BIRC6: variants seen among roughly 807,000 people sequenced by gnomAD.
BIRC6 encodes the protein baculoviral IAP repeat containing 6.
Under a neutral mutation model 503.3 loss-of-function variants are expected in BIRC6, and 98 were observed. That is an observed-to-expected ratio of 0.19 (90% CI 0.17 to 0.23). The LOEUF (loss-of-function observed/expected upper bound fraction) is 0.23, where lower values mean the gene tolerates loss of function less well. BIRC6 is among the 10% of genes least tolerant of loss of function. The probability of loss-of-function intolerance (pLI) is 1.00; values close to 1 mark genes in which losing one functional copy is unlikely to be tolerated. For synonymous variants in BIRC6, 2,240 were observed against 2,078.7 expected (o/e 1.08, Z -2.11); for missense variants, 5,360 against 5,806.0 (o/e 0.92, Z 2.50).
At chr2:32,555,822 A>G (rs1258401267) in intron 65 of BIRC6, among the ~76,000 whole-genome samples, 1 of 147,968 alleles carries the variant, frequency 6.8e-6, no homozygotes, top group Non-Finnish European at 1.5e-5. Context: ...AGTCCCAACT[A>G]CTCGGGAAGT....
intron 59 of BIRC6, among the ~76,000 whole-genome samples, chr2:32,526,059 C>G (rs1305763328): frequency 6.6e-6 from 1 of 152,166 alleles, no homozygotes; most frequent in African/African-American, 2.4e-5. Flanking sequence ...GTCTGTTGTT[C>G]AAGGTGATAA....
rs2050052939 is a variant in BIRC6 at position 32,478,811 on chromosome 2, T to G, written c.7245T>G (p.Ile2415Met). ...CCTTAACTTGCATGCTACAAGATAT[T>G]TTAGCAGGTGTGTTAGGATTTTTCT... ...QYSLTCMLQDILAGELLAPVA... is the reference protein window; with the variant it reads ...QYSLTCMLQDMLAGELLAPVA... The change falls in exon 36 of 74, where the codon ATT (isoleucine) becomes ATG (methionine). Residue 2415 changes from isoleucine (I) to methionine (M), a missense_variant. Transcript: ENST00000421745. 2 of 1,611,966 alleles carry G rather than the reference T, an allele frequency of 1.2e-6. No individual in the cohort carries two copies. Among genetic ancestry groups the G allele is most frequent in the African/African-American group, 2.7e-5 (2 of 74,828 alleles).
intron 51 of BIRC6, among the ~76,000 whole-genome samples, 163 bp downstream of exon 51, chr2:32,508,422 C>T (rs1027137945): frequency 6.6e-6 from 1 of 150,926 alleles, no homozygotes; most frequent in African/African-American, 2.4e-5. Flanking sequence ...GTAATAGAGA[C>T]AGTTTTGTGG....
At chr2:32,420,732 G>A (rs1159321009) in intron 10 of BIRC6, among the ~76,000 whole-genome samples, 1 of 151,960 alleles carries the variant, frequency 6.6e-6, no homozygotes, top group Non-Finnish European at 1.5e-5. Flanking sequence ...GGCTGGTCTT[G>A]AACTCCTGAC....
intron 66 of BIRC6, among the ~76,000 whole-genome samples, chr2:32,581,589 G>C (rs1444281936): frequency 6.6e-6 from 1 of 152,096 alleles, no homozygotes; most frequent in Admixed American, 6.6e-5. Context: ...ATAGCGGATG[G>C]ACCATTATCA....
chr2:32,559,649 A>G (rs963533532), intron 65 of BIRC6, among the ~76,000 whole-genome samples: 12 of 151,858 alleles, frequency 7.9e-5, no homozygotes, highest in African/African-American at 2.7e-4. Context: ...ATGTCTTAAA[A>G]GGAGAGCATA....
chr2:32,394,772 G>T (rs2039670882), intron 5 of BIRC6, among the ~76,000 whole-genome samples: 1 of 152,152 alleles, frequency 6.6e-6, no homozygotes, highest in Admixed American at 6.5e-5. Context: ...CAGGGCTATA[G>T]TCAGCTATGA....
chr2:32,601,847 CT>C (rs2062081421), intron 70 of BIRC6, among the ~76,000 whole-genome samples: 3 of 152,030 alleles, frequency 2.0e-5, no homozygotes, highest in African/African-American at 7.2e-5. Context: ...AGCCTGAATA[CT>C]CTTTTAGGGG....
chr2:32,460,251 TA>T (rs2047702646), intron 23 of BIRC6, among the ~76,000 whole-genome samples: 2 of 27,448 alleles, frequency 7.3e-5, no homozygotes, highest in African/African-American at 1.5e-4. Flanking sequence ...ATATGATATA[TA>T]TATATATATA....
intron 10 of BIRC6, among the ~76,000 whole-genome samples, chr2:32,427,197 C>G (rs2043602254): frequency 1.3e-5 from 2 of 152,004 alleles, no homozygotes; most frequent in Non-Finnish European, 2.9e-5. Context: ...AGGTGGAATT[C>G]TCTTCTTCAT....
chr2:32,593,923 G>C lies in BIRC6; in HGVS notation c.13364G>C (p.Arg4455Thr). 3 of 1,608,304 alleles carry C rather than the reference G, an allele frequency of 1.9e-6. No homozygotes were observed. The highest frequency in any genetic ancestry group is 2.5e-6 in the Non-Finnish European group (3 of 1,178,366). ...ATATTAAAAAAATTCAGATCTAAAAGGGAAAATGTTAAAACAGGAGTAAAA... is the reference window on the plus strand; with the variant it reads ...ATATTAAAAAAATTCAGATCTAAAACGGAAAATGTTAAAACAGGAGTAAAA... ...DTYTNRLRSK[R>T]ENVKTGVKPD... is the part of the protein sequence containing the mutation. Residue 4455 changes from arginine to threonine, a missense_variant, in exon 67 of 74, where the codon AGG becomes ACG. By Grantham distance (71) the Arg-to-Thr change is moderately conservative. Around this residue, in one of 16 missense-constraint regions of BIRC6, gnomAD observed 477 missense variants for 574.4 expected, o/e 0.83. Transcript: ENST00000421745.
chr2:32,508,278 T>A lies in BIRC6; in HGVS notation c.9980+19T>A. 3 of 295,350 alleles carry A rather than the reference T, an allele frequency of 1.0e-5. No homozygotes were observed. Among genetic ancestry groups the A allele is most frequent in the Non-Finnish European group, 1.3e-5 (3 of 230,540 alleles). 18.3% of individuals were successfully genotyped at this position (295,350 alleles called of 1,614,324 possible). A position where few individuals can be genotyped will look rare whatever the true frequency, so the allele number is the denominator to read the frequency against. On this transcript the variant is annotated intron_variant, in intron 51 of 73. Transcript: ENST00000421745. ...AAACAAGGTATGTTTTGTTTGTCCT[T>A]TTTTTTTTTTTTTTTTTTTTTTTTT...
chr2:32,493,068 T>A (rs942309815), intron 44 of BIRC6, among the ~76,000 whole-genome samples: 4 of 151,870 alleles, frequency 2.6e-5, no homozygotes, highest in Non-Finnish European at 4.4e-5. Flanking sequence ...ATTTAGTTTT[T>A]GTTTTGTTTT....
At chr2:32,613,601 G>A (rs982042967) in intron 73 of BIRC6, among the ~76,000 whole-genome samples, 6 of 151,936 alleles carry the variant, frequency 3.9e-5, no homozygotes, top group African/African-American at 9.7e-5. Flanking sequence ...GGCTGGTCTC[G>A]AACTCCAGGC....
Position 32,478,645 on chromosome 2 carries a change from G to A in BIRC6, c.7079G>A (p.Arg2360His), listed in dbSNP as rs763277144. ...TAAAATGTATTACAGGTTCTTGCACGCATTGCAAATGCCACGAGGCCAACT... is the reference window on the plus strand; with the variant it reads ...TAAAATGTATTACAGGTTCTTGCACACATTGCAAATGCCACGAGGCCAACT... Reference protein sequence around the residue: ...LLLFVCKVLARIANATRPTIH... With the variant: ...LLLFVCKVLAHIANATRPTIH... Residue 2360 changes from arginine to histidine, a missense_variant, in exon 36 of 74, where the codon CGC becomes CAC. Coordinates refer to ENST00000421745, the MANE Select transcript of BIRC6 (RefSeq NM_016252.4). 1.4e-5 allele frequency: 23 copies of A among 1,610,010 alleles called. No homozygotes were observed. Among genetic ancestry groups the A allele is most frequent in the Admixed American group, 5.1e-5 (3 of 58,736 alleles).
chr2:32,554,280 T>C (rs1036626310), intron 65 of BIRC6, among the ~76,000 whole-genome samples: 5 of 152,178 alleles, frequency 3.3e-5, no homozygotes, highest in Non-Finnish European at 7.4e-5. Context: ...TCTTATTATA[T>C]GGGGATGAAT....
chr2:32,542,221 A>G (rs2057717691), intron 61 of BIRC6, among the ~76,000 whole-genome samples: 1 of 152,064 alleles, frequency 6.6e-6, no homozygotes, highest in African/African-American at 2.4e-5. Context: ...ATGCATATAT[A>G]TCTCCCATAT....
chr2:32,463,658 TAC>T (rs1210921902), intron 24 of BIRC6, among the ~76,000 whole-genome samples: 4 of 152,220 alleles, frequency 2.6e-5, no homozygotes, highest in Non-Finnish European at 4.4e-5. Flanking sequence ...AAAGAATATG[TAC>T]AGTTACTAGT....
intron 50 of BIRC6, among the ~76,000 whole-genome samples, chr2:32,505,857 T>G (rs2053736802): frequency 6.6e-6 from 1 of 152,128 alleles, no homozygotes; most frequent in Admixed American, 6.6e-5. Context: ...AATACTCATT[T>G]GCTTTTTTTT....
Sources: gnomAD v4.1 joint callset for allele counts (sites outside exome capture counted in the v4.1 genomes callset) on GRCh38, gnomAD v4.1.1 for gene constraint, gnomAD v4.1.1 regional missense constraint, MANE v1.5 for transcripts, NCBI Gene and HGNC (gene_info 2026-07-23, HGNC 2026-07-21) for gene names.